NOL4: variants seen among roughly 807,000 people sequenced by gnomAD.
The protein encoded by NOL4 is nucleolar protein 4.
NOL4 carries 17 observed loss-of-function variants against 75.9 expected under a neutral mutation model. The ratio of observed to expected loss-of-function variants is 0.22; its 90% confidence interval spans 0.15 to 0.34. The LOEUF is 0.34. NOL4 is among the 10% of genes least tolerant of loss of function. NOL4 has a pLI of 1.00. For missense variants in NOL4, 614 were observed against 793.5 expected, an observed-to-expected ratio of 0.77 and a Z score of 2.72; for synonymous variants, 292 against 289.9, an observed-to-expected ratio of 1.01 and a Z score of -0.07.
chr18:33,935,613 G>C (rs1436479170), intron 9 of NOL4, among the ~76,000 whole-genome samples: 6 of 152,070 alleles, frequency 3.9e-5, no homozygotes, highest in African/African-American at 1.2e-4. Context: ...ATTGTGGAGA[G>C]TTACCAATAT....
At position 34,185,216 on chromosome 18, in the gene NOL4, G is replaced by A. The variant is rs531548227; in HGVS notation, c.264+37774C>T. ...AAGGAGCTGAGATTGTGCCCTACTT[G>A]CAAGCTAATAATTTAGCCTGCTACA... On this transcript the variant is annotated intron_variant, in intron 1 of 10. Transcript: ENST00000261592. Among the ~76,000 whole-genome samples, 567 of 152,260 alleles carry A rather than the reference G, an allele frequency of 3.7e-3. 1 individual carries two copies. Among genetic ancestry groups the A allele is most frequent in the Non-Finnish European group, 5.4e-3 (364 of 68,010 alleles).
chr18:34,193,608 GA>G (rs33999659), intron 1 of NOL4, among the ~76,000 whole-genome samples: 76,023 of 150,896 alleles, frequency 0.5, 19,136 homozygotes, highest in Admixed American at 0.57. Flanking sequence ...AGATGTGGAG[GA>G]AAAAAAAACC....
intron 6 of NOL4, among the ~76,000 whole-genome samples, chr18:34,000,247 A>G (rs957674729): frequency 6.6e-6 from 1 of 152,130 alleles, no homozygotes; most frequent in Non-Finnish European, 1.5e-5. Flanking sequence ...CAACCTGCTC[A>G]GGAGCTGGCC....
At chr18:34,155,276 T>A (rs1161046780) in intron 1 of NOL4, among the ~76,000 whole-genome samples, 1 of 151,966 alleles carries the variant, frequency 6.6e-6, no homozygotes, top group Non-Finnish European at 1.5e-5. Context: ...TTATAAAGAA[T>A]CACTGATTTA....
At chr18:33,924,519 C>T (rs2145319859) in intron 9 of NOL4, among the ~76,000 whole-genome samples, 1 of 152,228 alleles carries the variant, frequency 6.6e-6, no homozygotes, top group African/African-American at 2.4e-5. Context: ...AAGCCTCTTC[C>T]CCTCCCTAAA....
At chr18:33,988,545 T>C (rs1431126361) in intron 6 of NOL4, among the ~76,000 whole-genome samples, 2 of 152,044 alleles carry the variant, frequency 1.3e-5, no homozygotes, top group Non-Finnish European at 2.9e-5. Flanking sequence ...ATGAGATTCT[T>C]TGTGGACTCT....
At position 34,217,234 on chromosome 18, in the gene NOL4, C is replaced by T. The variant is rs149067492; in HGVS notation, c.264+5756G>A. 5.0e-3 allele frequency among the ~76,000 whole-genome samples: 755 copies of T among 152,090 alleles called. 7 individuals are homozygous for T. Among genetic ancestry groups the T allele is most frequent in the Non-Finnish European group, 6.9e-3 (467 of 67,984 alleles). On this transcript the variant is annotated intron_variant, in intron 1 of 10. Transcript: ENST00000261592. ...GTAGGTAGAATAAATCTTAATAATA[C>T]ATATGTACATAAATACATACAAGTA...
chr18:34,008,493 T>A (rs1220853901), intron 6 of NOL4, among the ~76,000 whole-genome samples: 1 of 151,888 alleles, frequency 6.6e-6, no homozygotes, highest in Non-Finnish European at 1.5e-5. Flanking sequence ...TAATGAAAAA[T>A]GTAAAAATAA....
At chr18:33,979,476 G>T (rs892052541) in intron 6 of NOL4, among the ~76,000 whole-genome samples, 1 of 151,790 alleles carries the variant, frequency 6.6e-6, no homozygotes, top group Admixed American at 6.6e-5. Flanking sequence ...TCTACCTCTA[G>T]TTAAGTGCAA....
intron 5 of NOL4, among the ~76,000 whole-genome samples, chr18:34,027,735 A>G (rs922980437): frequency 2.0e-5 from 3 of 152,202 alleles, no homozygotes; most frequent in Non-Finnish European, 4.4e-5. Flanking sequence ...TGTGTAAAGC[A>G]GTACATACAG....
intron 9 of NOL4, among the ~76,000 whole-genome samples, chr18:33,894,054 T>C (rs1406693781): frequency 6.6e-6 from 1 of 152,112 alleles, no homozygotes; most frequent in Non-Finnish European, 1.5e-5. Context: ...CTTTGCTCCA[T>C]TAGTACAGAT....
chr18:34,086,005 CTT>C (rs1212218270), intron 5 of NOL4, among the ~76,000 whole-genome samples: 2 of 152,008 alleles, frequency 1.3e-5, no homozygotes, highest in African/African-American at 4.8e-5. Context: ...GTAGTTTATA[CTT>C]CTGTAAATTA....
At chr18:34,201,776 A>T (rs1171079316) in intron 1 of NOL4, among the ~76,000 whole-genome samples, 2 of 151,870 alleles carry the variant, frequency 1.3e-5, no homozygotes, top group Non-Finnish European at 1.5e-5. Context: ...TTATATTTTT[A>T]AAATATCTGT....
intron 6 of NOL4, among the ~76,000 whole-genome samples, chr18:34,005,274 C>A (rs1397043503): frequency 6.6e-6 from 1 of 152,040 alleles, no homozygotes; most frequent in African/African-American, 2.4e-5. Flanking sequence ...CTCTCTGCAT[C>A]CTTCAAAATG....
intron 5 of NOL4, among the ~76,000 whole-genome samples, chr18:34,047,900 A>G (rs2076455416): frequency 6.6e-6 from 1 of 152,184 alleles, no homozygotes; most frequent in South Asian, 2.1e-4. Flanking sequence ...AGCACCAAAC[A>G]GAATAGCTAT....
chr18:34,011,866 A>G (rs954687396), intron 6 of NOL4, among the ~76,000 whole-genome samples: 2 of 151,938 alleles, frequency 1.3e-5, no homozygotes, highest in African/African-American at 4.8e-5. Flanking sequence ...GCTAGTTAAG[A>G]TTTTGTACTA....
chr18:34,111,954 C>G (rs370299170), intron 2 of NOL4, among the ~76,000 whole-genome samples: 1 of 152,180 alleles, frequency 6.6e-6, no homozygotes, highest in Non-Finnish European at 1.5e-5. Context: ...GAAAATAGAA[C>G]TGCCAAGTGA....
At chr18:33,899,701 G>A (rs73955068) in intron 9 of NOL4, among the ~76,000 whole-genome samples, 2,239 of 152,210 alleles carry the variant, frequency 0.015, 37 homozygotes, top group African/African-American at 0.039. Flanking sequence ...GTTTACAGCC[G>A]GGAACTCCCT....
intron 5 of NOL4, among the ~76,000 whole-genome samples, chr18:34,088,749 C>G (rs536018773): frequency 2.0e-5 from 3 of 152,174 alleles, no homozygotes; most frequent in Non-Finnish European, 2.9e-5. Context: ...TTAGTTTCCT[C>G]AAAACCAAAA....
Sources: allele counts gnomAD v4.1 joint callset (sites outside exome capture counted in the v4.1 genomes callset), GRCh38; gene constraint gnomAD v4.1.1; transcripts MANE v1.5; gene names NCBI Gene and HGNC (gene_info 2026-07-23, HGNC 2026-07-21).